The following PPP3CC variants were observed in gnomAD, a reference collection of about 807,000 sequenced individuals.
PPP3CC encodes the protein serine/threonine-protein phosphatase 2B catalytic subunit gamma isoform.
In PPP3CC, 35 loss-of-function variants were observed where a neutral mutation model predicts 60.3. The ratio of observed to expected loss-of-function variants is 0.58; its 90% CI spans 0.44 to 0.77. The LOEUF is 0.77. Ranked by LOEUF, PPP3CC falls within the 30% of genes least tolerant of loss-of-function variation. PPP3CC has a pLI of 0.00. For missense variants in PPP3CC, 570 were observed against 628.9 expected (o/e 0.91, Z 1.00); for synonymous variants, 206 against 224.3 (o/e 0.92, Z 0.73).
chr8:22,468,001 T>G (rs982391114), intron 1 of PPP3CC, among the ~76,000 whole-genome samples: 1 of 152,230 alleles, frequency 6.6e-6, no homozygotes, highest in African/African-American at 2.4e-5. Flanking sequence ...ATATTCCACG[T>G]CTTAATACCA....
intron 1 of PPP3CC, among the ~76,000 whole-genome samples, chr8:22,463,147 C>T (rs1563690104): frequency 6.6e-6 from 1 of 152,110 alleles, no homozygotes. Flanking sequence ...GAAGAAAATG[C>T]CAAGAGAATA....
At chr8:22,484,729 A>G (rs1586821400) in intron 3 of PPP3CC, among the ~76,000 whole-genome samples, 2 of 152,222 alleles carry the variant, frequency 1.3e-5, no homozygotes, top group East Asian at 3.8e-4. Flanking sequence ...TGGGCAGGCT[A>G]TCTTTACATG....
At chr8:22,531,480 G>A (rs1218810001) in intron 10 of PPP3CC, among the ~76,000 whole-genome samples, 1 of 152,164 alleles carries the variant, frequency 6.6e-6, no homozygotes, top group East Asian at 1.9e-4. Flanking sequence ...TGGACCTGTT[G>A]CGTGATCTGG....
intron 9 of PPP3CC, 120 bp from the exon 10 acceptor site, chr8:22,528,386 T>G (rs890326637): frequency 2.0e-6 from 1 of 497,652 alleles, no homozygotes; most frequent in African/African-American, 2.0e-5. Flanking sequence ...CTTACTAACA[T>G]AATGATAAAT....
In PPP3CC at chr8:22,526,433, G is replaced by A. The variant is rs144112327; in HGVS notation, c.944-959G>A. Among the ~76,000 whole-genome samples the A allele has an allele frequency of 7.2e-5, 11 of 152,262 alleles. 1 individual carries two copies. The highest frequency in any genetic ancestry group is 1.7e-4 in the African/African-American group (7 of 41,552). ...CATACACGTGAAAATAATGGAACAT[G>A]TACATCATAGCCAGTGTTAGGCTTT... On this transcript the variant is annotated intron_variant, in intron 8 of 13. Coordinates refer to ENST00000240139, the MANE Select transcript of PPP3CC (RefSeq NM_005605.5).
At chr8:22,497,856 G>A (rs1838636392) in intron 3 of PPP3CC, 145 bp from the exon 4 acceptor site, 1 of 576,854 alleles carries the variant, frequency 1.7e-6, no homozygotes, top group Non-Finnish European at 3.1e-6. Context: ...AGGGCAATAA[G>A]TATATCACAT....
At chr8:22,474,238 G>C (rs1355611158) in intron 1 of PPP3CC, among the ~76,000 whole-genome samples, 2 of 152,098 alleles carry the variant, frequency 1.3e-5, no homozygotes, top group Non-Finnish European at 2.9e-5. Context: ...TTCTATAGGA[G>C]AAATAAATGC....
chr8:22,452,019 G>T (rs1268314978), intron 1 of PPP3CC, among the ~76,000 whole-genome samples: 11 of 143,536 alleles, frequency 7.7e-5, no homozygotes, highest in African/African-American at 2.6e-4. Flanking sequence ...GTGCATAATG[G>T]TTTTTTTTTT....
intron 12 of PPP3CC, among the ~76,000 whole-genome samples, chr8:22,534,727 TC>T (rs1839806776): frequency 6.6e-6 from 1 of 152,118 alleles, no homozygotes. Flanking sequence ...TAAATTGTAT[TC>T]CGAAATATAA....
intron 5 of PPP3CC, 66 bp from the exon 6 acceptor site, chr8:22,513,227 A>G (rs190503875): frequency 5.3e-6 from 8 of 1,512,238 alleles, no homozygotes; most frequent in African/African-American, 1.4e-5. Flanking sequence ...TCTTTGACAC[A>G]TACTAGTTTC....
chr8:22,475,454 C>G (rs1300387909), intron 2 of PPP3CC, 46 bp from the exon 3 acceptor site: 1 of 1,570,472 alleles, frequency 6.4e-7, no homozygotes, highest in Non-Finnish European at 8.7e-7. Context: ...TGCCCTTCGT[C>G]TTCTAAGGTA....
intron 4 of PPP3CC, among the ~76,000 whole-genome samples, chr8:22,504,955 T>C (rs1838869162): frequency 6.6e-6 from 1 of 152,096 alleles, no homozygotes; most frequent in East Asian, 1.9e-4. Context: ...CCACAAATAC[T>C]CTGGGTGCAA....
At chr8:22,464,589 G>A (rs997627100) in intron 1 of PPP3CC, among the ~76,000 whole-genome samples, 1 of 151,732 alleles carries the variant, frequency 6.6e-6, no homozygotes, top group Admixed American at 6.6e-5. Context: ...GCCATGTTGC[G>A]CAGGCTGGTC....
Position 22,441,304 on chromosome 8 carries a change from TG to T in PPP3CC, c.-104del. The T allele has an allele frequency of 8.6e-7, 1 of 1,167,048 alleles. No homozygotes were observed. The highest frequency in any genetic ancestry group is 1.6e-5 in the South Asian group (1 of 62,036). 72.3% of individuals were successfully genotyped at this position (1,167,048 alleles called of 1,614,324 possible). On this transcript the variant is annotated 5_prime_UTR_variant, in exon 1 of 14. Transcript: ENST00000240139. The stretch of plus-strand genomic sequence containing the variant: ...CTGAGGAGCCGGGGCCGGGCACGGC[TG>T]GCTGACGGCTCCGGGCAGCTAAGGC...
intron 1 of PPP3CC, among the ~76,000 whole-genome samples, chr8:22,446,364 C>T (rs1836821860): frequency 6.6e-6 from 1 of 151,818 alleles, no homozygotes; most frequent in African/African-American, 2.4e-5. Context: ...TGTAAAGTAA[C>T]ATACTAATCA....
chr8:22,475,702 A>G (rs1233638108), intron 3 of PPP3CC, 78 bp downstream of exon 3: 2 of 1,361,172 alleles, frequency 1.5e-6, no homozygotes, highest in African/African-American at 1.5e-5. Flanking sequence ...AGTAGAAGAA[A>G]TTAAAATGAG....
intron 3 of PPP3CC, among the ~76,000 whole-genome samples, chr8:22,494,154 A>T (rs947216276): frequency 1.5e-4 from 23 of 152,142 alleles, no homozygotes; most frequent in African/African-American, 5.3e-4. Context: ...GTTCTTTTTC[A>T]TGCTGCTGAT....
intron 3 of PPP3CC, among the ~76,000 whole-genome samples, chr8:22,485,381 C>T (rs1838194587): frequency 6.6e-6 from 1 of 152,148 alleles, no homozygotes. Context: ...ACCCCACAGC[C>T]AGGGTCTACA....
At position 22,498,117 on chromosome 8, in the gene PPP3CC, G is replaced by A; in HGVS notation, c.484+5G>A. 1.3e-6 allele frequency: 2 copies of A among 1,574,760 alleles called. No homozygotes were observed. Among genetic ancestry groups the A allele is most frequent in the Non-Finnish European group, 8.7e-7 (1 of 1,145,242 alleles). On this transcript the variant is annotated splice_donor_5th_base_variant and intron_variant, in intron 4 of 13. Transcript: ENST00000240139. Reference sequence around the variant, plus strand: ...ATTTCACCTTCAAACAGGAATGTAAGTATAATCACTCCTCTAGAACCTTTT... The same window carrying A: ...ATTTCACCTTCAAACAGGAATGTAAATATAATCACTCCTCTAGAACCTTTT...
Sources: gnomAD v4.1 joint callset for allele counts (sites outside exome capture counted in the v4.1 genomes callset) on GRCh38, gnomAD v4.1.1 for gene constraint, MANE v1.5 for transcripts, NCBI Gene and HGNC (gene_info 2026-07-23, HGNC 2026-07-21) for gene names.